The following LARP4 variants were observed in gnomAD, a reference collection of about 807,000 sequenced individuals.
LARP4 encodes the protein la-related protein 4.
In LARP4, 29 loss-of-function variants were observed where a neutral mutation model predicts 92.9. The observed-to-expected ratio is 0.31, with a 90% CI of 0.23 to 0.43. LARP4 has a LOEUF of 0.43. LARP4 is among the 20% of genes least tolerant of loss of function. The probability of loss-of-function intolerance (pLI) is 1.00; values close to 1 mark genes in which losing one functional copy is unlikely to be tolerated. For synonymous variants in LARP4, 279 were observed against 284.1 expected, an observed-to-expected ratio of 0.98 and a Z score of 0.18; for missense variants, 732 against 860.0, an observed-to-expected ratio of 0.85 and a Z score of 1.86.
intron 15 of LARP4, 135 bp from the exon 16 acceptor site, chr12:50,475,391 A>G: frequency 1.5e-6 from 1 of 669,104 alleles, no homozygotes; most frequent in Non-Finnish European, 2.6e-6. Flanking sequence ...TACTCTAAGC[A>G]GTATATATGA....
intron 1 of LARP4, among the ~76,000 whole-genome samples, chr12:50,417,439 C>T (rs1307427302): frequency 1.3e-5 from 2 of 151,952 alleles, no homozygotes; most frequent in South Asian, 2.1e-4. Flanking sequence ...CTTGATACTT[C>T]TCCTGGTGGG....
chr12:50,428,008 T>TG, intron 2 of LARP4, 99 bp downstream of exon 2: 1 of 904,674 alleles, frequency 1.1e-6, no homozygotes. Flanking sequence ...TTTTTTTTTT[T>TG]TTTTTGAGAC....
At chr12:50,432,387 T>TG (rs758855905) in intron 4 of LARP4, among the ~76,000 whole-genome samples, 1 of 152,172 alleles carries the variant, frequency 6.6e-6, no homozygotes, top group Non-Finnish European at 1.5e-5. Context: ...CAATTTTAAA[T>TG]GGACTCAGTT....
intron 10 of LARP4, chr12:50,454,936 A>G (rs996011085): frequency 2.0e-5 from 3 of 152,470 alleles, no homozygotes; most frequent in Non-Finnish European, 4.4e-5. Context: ...TTTATCAGTT[A>G]CTTTTTTCAG....
At chr12:50,408,605 C>A (rs1945283202) in intron 1 of LARP4, among the ~76,000 whole-genome samples, 1 of 152,110 alleles carries the variant, frequency 6.6e-6, no homozygotes, top group Non-Finnish European at 1.5e-5. Context: ...TTTCATACTA[C>A]TGACTAGCAG....
chr12:50,451,819 A>G (rs1953245161), intron 8 of LARP4, among the ~76,000 whole-genome samples: 1 of 151,904 alleles, frequency 6.6e-6, no homozygotes, highest in Non-Finnish European at 1.5e-5. Context: ...TCTGGGCCAC[A>G]GAGTGAGACT....
At chr12:50,445,528 C>G (rs1429947487) in intron 8 of LARP4, among the ~76,000 whole-genome samples, 2 of 151,946 alleles carry the variant, frequency 1.3e-5, no homozygotes, top group Non-Finnish European at 2.9e-5. Context: ...ATTTTTTCTG[C>G]CCTCTCTTCT....
chr12:50,406,414 G>T (rs185011860), intron 1 of LARP4, among the ~76,000 whole-genome samples: 1 of 151,920 alleles, frequency 6.6e-6, no homozygotes, highest in African/African-American at 2.4e-5. Flanking sequence ...CCAGGAGATC[G>T]AGGCTGCAGT....
intron 1 of LARP4, among the ~76,000 whole-genome samples, chr12:50,407,665 C>T (rs1198467824): frequency 2.0e-5 from 3 of 151,814 alleles, no homozygotes; most frequent in Admixed American, 1.3e-4. Context: ...GCCAACATGG[C>T]GAAACCCCAT....
chr12:50,430,637 G>T, intron 4 of LARP4, 67 bp downstream of exon 4: 2 of 900,096 alleles, frequency 2.2e-6, no homozygotes, highest in South Asian at 1.7e-5. Flanking sequence ...TAGAGCGCAA[G>T]GATGGTGATT....
intron 1 of LARP4, among the ~76,000 whole-genome samples, chr12:50,416,106 C>T (rs985168727): frequency 6.6e-6 from 1 of 152,150 alleles, no homozygotes; most frequent in African/African-American, 2.4e-5. Context: ...CTGTTTATAA[C>T]TTCCATTTTG....
At chr12:50,405,355 T>G (rs1000187283) in intron 1 of LARP4, among the ~76,000 whole-genome samples, 2 of 152,216 alleles carry the variant, frequency 1.3e-5, no homozygotes, top group East Asian at 1.9e-4. Flanking sequence ...GTGTACTACC[T>G]TCATCTGAAT....
At position 50,478,491 on chromosome 12, in the gene LARP4, T is replaced by C. The variant is rs1957684081; in HGVS notation, c.*2627T>C. 1 of 152,138 alleles carries C rather than the reference T, an allele frequency of 6.6e-6. No individual in the cohort carries two copies. Among genetic ancestry groups the C allele is most frequent in the Admixed American group, 6.6e-5 (1 of 15,264 alleles). The allele number at this position is 152,138 out of a possible 1,614,324, so 9.4% of individuals were successfully genotyped here. On this transcript the variant is annotated 3_prime_UTR_variant, in exon 16 of 16. Transcript: ENST00000398473. The stretch of plus-strand genomic sequence containing the variant: ...TGTAACTAATGAGGGTGGATGTTCA[T>C]TGTAGTTTATTTATTTGGTTCTTTA...
intron 13 of LARP4, among the ~76,000 whole-genome samples, chr12:50,467,882 A>C (rs1178672408): frequency 6.6e-6 from 1 of 151,700 alleles, no homozygotes; most frequent in Non-Finnish European, 1.5e-5. Flanking sequence ...ATAACAGTAC[A>C]TGTCTATAGT....
intron 15 of LARP4, 53 bp from the exon 16 acceptor site, chr12:50,475,473 T>G: frequency 1.4e-6 from 2 of 1,402,542 alleles, no homozygotes; most frequent in South Asian, 1.3e-5. Context: ...TTTTATACTT[T>G]ATAATTTAAA....
Position 50,435,627 on chromosome 12 carries a change from A to G in LARP4, c.535+3A>G, listed in dbSNP as rs758267740. The G allele has an allele frequency of 1.6e-5, 25 of 1,564,026 alleles. No homozygotes were observed. The highest frequency in any genetic ancestry group is 2.4e-5 in the South Asian group (2 of 84,254). ...TCTAATTCTTGAAGTGTTAAGATGTATGTAAAAATACCTTTTAGCTTTTTT... is the reference window on the plus strand; with the variant it reads ...TCTAATTCTTGAAGTGTTAAGATGTGTGTAAAAATACCTTTTAGCTTTTTT... On this transcript the variant is annotated splice_donor_region_variant and intron_variant, in intron 5 of 15. Transcript: ENST00000398473.
chr12:50,444,351 A>T (rs1479966290), intron 8 of LARP4, among the ~76,000 whole-genome samples: 1 of 152,030 alleles, frequency 6.6e-6, no homozygotes, highest in Non-Finnish European at 1.5e-5. Context: ...TGGGGGTCTC[A>T]GATATAGTAG....
chr12:50,464,439 A>G (rs1265430935), intron 12 of LARP4, among the ~76,000 whole-genome samples: 4 of 152,244 alleles, frequency 2.6e-5, no homozygotes, highest in African/African-American at 9.6e-5. Context: ...TACCCAGGCT[A>G]GAGTGCAAAT....
rs772182892 is a variant in LARP4 at position 50,400,964 on chromosome 12, A to T, written c.-47A>T. 1.2e-6 allele frequency: 2 copies of T among 1,614,038 alleles called. No homozygotes were observed. Among genetic ancestry groups the T allele is most frequent in the Non-Finnish European group, 1.7e-6 (2 of 1,179,944 alleles). The stretch of plus-strand genomic sequence containing the variant: ...CAATTGGGGCGCGGGCCTGTGAGCC[A>T]GTTGGAGTTGCGGCGGCGGGAACGA... On this transcript the variant is annotated 5_prime_UTR_variant, in exon 1 of 16. Coordinates refer to ENST00000398473, the MANE Select transcript of LARP4 (RefSeq NM_052879.5).
Sources: allele counts gnomAD v4.1 joint callset (sites outside exome capture counted in the v4.1 genomes callset), GRCh38; gene constraint gnomAD v4.1.1; transcripts MANE v1.5; gene names NCBI Gene and HGNC (gene_info 2026-07-23, HGNC 2026-07-21).